Variants in THSD7B observed in about 807,000 individuals in gnomAD.
THSD7B encodes the protein thrombospondin type-1 domain-containing protein 7B.
Under a neutral mutation model 213.6 loss-of-function variants are expected in THSD7B, and 138 were observed. That is an observed-to-expected ratio of 0.65 (90% CI 0.56 to 0.74). The LOEUF (loss-of-function observed/expected upper bound fraction) is 0.74, where lower values mean the gene tolerates loss of function less well. Among genes scored for constraint, THSD7B ranks in the 30% least tolerant of loss-of-function variants. The probability of loss-of-function intolerance (pLI) is 0.00; values close to 1 mark genes in which losing one functional copy is unlikely to be tolerated. For missense variants in THSD7B, 1,931 were observed against 1,991.5 expected (o/e 0.97, Z 0.58); for synonymous variants, 742 against 687.0 (o/e 1.08, Z -1.25).
chr2:137,656,790 G>A lies in THSD7B; in HGVS notation c.4106-6G>A. On this transcript the variant is annotated splice_polypyrimidine_tract_variant and splice_region_variant and intron_variant, in intron 22 of 27. Coordinates refer to ENST00000409968, the MANE Select transcript of THSD7B (RefSeq NM_001316349.2). Reference sequence around the variant, plus strand: ...TTTCTCCACCCTGTACTGCATGACTGTCCAGGAGACTGCCATTTAACAGAA... The same window carrying A: ...TTTCTCCACCCTGTACTGCATGACTATCCAGGAGACTGCCATTTAACAGAA... The A allele has an allele frequency of 6.2e-7, 1 of 1,613,124 alleles. No homozygotes were observed. Among genetic ancestry groups the A allele is most frequent in the Non-Finnish European group, 8.5e-7 (1 of 1,179,424 alleles).
intron 2 of THSD7B, among the ~76,000 whole-genome samples, chr2:136,948,532 T>C (rs1321947211): frequency 1.3e-5 from 2 of 152,070 alleles, no homozygotes; most frequent in Non-Finnish European, 2.9e-5. Context: ...CCGTAGAAAT[T>C]CAGGTGAGGG....
chr2:137,001,626 C>T (rs1175398237), intron 2 of THSD7B, among the ~76,000 whole-genome samples: 1 of 152,164 alleles, frequency 6.6e-6, no homozygotes, highest in Non-Finnish European at 1.5e-5. Context: ...AACTAAAACG[C>T]TTACAGAAGC....
intron 10 of THSD7B, among the ~76,000 whole-genome samples, chr2:137,255,908 A>G (rs1434097338): frequency 6.6e-6 from 1 of 152,080 alleles, no homozygotes; most frequent in Admixed American, 6.6e-5. Flanking sequence ...GGATGGTCTC[A>G]AACTCCTGAC....
chr2:137,523,095 T>C (rs539918891), intron 15 of THSD7B, among the ~76,000 whole-genome samples: 1 of 152,326 alleles, frequency 6.6e-6, no homozygotes, highest in Admixed American at 6.5e-5. Flanking sequence ...ACCAATGTGA[T>C]GGTATAAATA....
chr2:137,271,391 TG>T lies in THSD7B; in HGVS notation c.2267-1141del, dbSNP rs1317525167. 3.1e-4 allele frequency among the ~76,000 whole-genome samples: 43 copies of T among 140,066 alleles called. 3 individuals carry two copies. The highest frequency in any genetic ancestry group is 4.1e-3 in the Middle Eastern group (1 of 244). The allele number at this position is 140,066 out of a possible 152,430, so 91.9% of individuals were successfully genotyped here. On this transcript the variant is annotated intron_variant, in intron 10 of 27. Coordinates refer to ENST00000409968, the MANE Select transcript of THSD7B (RefSeq NM_001316349.2). ...GCTTCATTCATATATATATATATTATGAATTATATATATATGAATTATAATA... is the reference window on the plus strand; with the variant it reads ...GCTTCATTCATATATATATATATTATAATTATATATATATGAATTATAATA...
chr2:137,326,266 T>C (rs1684372325), intron 12 of THSD7B, among the ~76,000 whole-genome samples: 1 of 152,118 alleles, frequency 6.6e-6, no homozygotes, highest in African/African-American at 2.4e-5. Context: ...TAAGAGTGAA[T>C]AAATAATGCA....
intron 7 of THSD7B, among the ~76,000 whole-genome samples, chr2:137,223,310 A>G (rs909058677): frequency 6.6e-6 from 1 of 152,172 alleles, no homozygotes; most frequent in Admixed American, 6.5e-5. Flanking sequence ...ATACACGAAG[A>G]CCAATTTGAT....
intron 15 of THSD7B, among the ~76,000 whole-genome samples, chr2:137,481,667 C>T (rs775534761): frequency 6.6e-6 from 1 of 152,112 alleles, no homozygotes; most frequent in Non-Finnish European, 1.5e-5. Context: ...TTCTAATAAA[C>T]CTTTATTTAT....
At chr2:137,101,412 A>G (rs1688147479) in intron 4 of THSD7B, among the ~76,000 whole-genome samples, 1 of 152,190 alleles carries the variant, frequency 6.6e-6, no homozygotes, top group Non-Finnish European at 1.5e-5. Flanking sequence ...TTGTCAGATA[A>G]ATTAACAGAT....
chr2:137,548,391 T>C (rs547457262), intron 15 of THSD7B, among the ~76,000 whole-genome samples: 85 of 152,166 alleles, frequency 5.6e-4, no homozygotes, highest in African/African-American at 1.6e-3. Context: ...ATAGTAATAG[T>C]GATGATCATT....
At chr2:137,184,999 G>C (rs1346406494) in intron 7 of THSD7B, among the ~76,000 whole-genome samples, 1 of 151,776 alleles carries the variant, frequency 6.6e-6, no homozygotes, top group South Asian at 2.1e-4. Flanking sequence ...GTTTTGTTTT[G>C]TCATTCCCTC....
intron 2 of THSD7B, among the ~76,000 whole-genome samples, chr2:136,947,122 T>G (rs1339866293): frequency 6.6e-6 from 1 of 152,104 alleles, no homozygotes; most frequent in Non-Finnish European, 1.5e-5. Flanking sequence ...CTTGGAACAG[T>G]GACCCTCGAC....
intron 2 of THSD7B, among the ~76,000 whole-genome samples, chr2:137,037,807 C>A (rs12472791): frequency 6.6e-6 from 1 of 151,482 alleles, no homozygotes; most frequent in Non-Finnish European, 1.5e-5. Flanking sequence ...GTCCTATATA[C>A]AGTATGGAGA....
chr2:136,904,113 A>G (rs1684112887), intron 2 of THSD7B, among the ~76,000 whole-genome samples: 1 of 152,098 alleles, frequency 6.6e-6, no homozygotes, highest in African/African-American at 2.4e-5. Context: ...TGGGCAAGAA[A>G]ATGTGTTTCT....
At chr2:136,895,927 A>G (rs1683950854) in intron 2 of THSD7B, among the ~76,000 whole-genome samples, 1 of 152,208 alleles carries the variant, frequency 6.6e-6, no homozygotes, top group Non-Finnish European at 1.5e-5. Context: ...TCTATATTAT[A>G]GCATCTATCA....
chr2:136,950,191 G>T (rs1685010746), intron 2 of THSD7B, among the ~76,000 whole-genome samples: 1 of 152,174 alleles, frequency 6.6e-6, no homozygotes, highest in Non-Finnish European at 1.5e-5. Flanking sequence ...GGCGGAGGTT[G>T]CAGTGAGCCG....
At chr2:137,522,755 A>G (rs1224213056) in intron 15 of THSD7B, among the ~76,000 whole-genome samples, 1 of 152,150 alleles carries the variant, frequency 6.6e-6, no homozygotes, top group East Asian at 1.9e-4. Context: ...TTGATTAGAA[A>G]TCTCTCAGCA....
intron 21 of THSD7B, among the ~76,000 whole-genome samples, chr2:137,650,263 C>T (rs1386489972): frequency 1.3e-5 from 2 of 152,208 alleles, no homozygotes; most frequent in South Asian, 2.1e-4. Context: ...CTTTCTTTAG[C>T]GTTTTATGCT....
At chr2:137,398,236 T>C (rs1313136356) in intron 12 of THSD7B, among the ~76,000 whole-genome samples, 8 of 148,988 alleles carry the variant, frequency 5.4e-5, no homozygotes, top group South Asian at 2.2e-4. Flanking sequence ...GGAGGAGAGG[T>C]GCTCTGCGTT....
Sources: allele counts gnomAD v4.1 joint callset (sites outside exome capture counted in the v4.1 genomes callset), GRCh38; gene constraint gnomAD v4.1.1; transcripts MANE v1.5; gene names NCBI Gene and HGNC (gene_info 2026-07-23, HGNC 2026-07-21).